The following AHR variants were observed in gnomAD, a reference collection of about 807,000 sequenced individuals.
AHR encodes the protein AH-receptor.
AHR carries 40 observed loss-of-function variants against 86.8 expected under a neutral mutation model. The ratio of observed to expected loss-of-function variants is 0.46; its 90% CI spans 0.36 to 0.60. The LOEUF (loss-of-function observed/expected upper bound fraction) is 0.60, where lower values mean the gene tolerates loss of function less well. Among genes scored for constraint, AHR ranks in the 20% least tolerant of loss-of-function variants. The pLI, the probability that AHR is intolerant of heterozygous loss-of-function variation, is 0.00. For missense variants in AHR, 1,001 were observed against 1,011.6 expected, an observed-to-expected ratio of 0.99 and a Z score of 0.14; for synonymous variants, 398 against 354.9, an observed-to-expected ratio of 1.12 and a Z score of -1.37.
chr7:17,335,878 C>A, intron 9 of AHR, 92 bp downstream of exon 9: 1 of 1,332,348 alleles, frequency 7.5e-7, no homozygotes, highest in Non-Finnish European at 1.0e-6. Context: ...AGACTTTAGT[C>A]TGTAAATAAA....
At chr7:17,308,600 A>G (rs957908428) in intron 1 of AHR, among the ~76,000 whole-genome samples, 2 of 152,034 alleles carry the variant, frequency 1.3e-5, no homozygotes, top group Admixed American at 6.6e-5. Context: ...TATAAATGCA[A>G]TATGATTAGG....
At chr7:17,300,846 G>A (rs886882463) in intron 1 of AHR, among the ~76,000 whole-genome samples, 1 of 152,032 alleles carries the variant, frequency 6.6e-6, no homozygotes. Flanking sequence ...TGGGTTTTAT[G>A]TGTATGGTGA....
chr7:17,316,437 A>G (rs896316199), intron 2 of AHR, among the ~76,000 whole-genome samples: 3 of 152,266 alleles, frequency 2.0e-5, no homozygotes, highest in African/African-American at 7.2e-5. Flanking sequence ...AGGACAACGT[A>G]GTGAGACCTC....
intron 1 of AHR, among the ~76,000 whole-genome samples, chr7:17,299,639 G>A (rs1223327055): frequency 6.6e-6 from 1 of 152,242 alleles, no homozygotes; most frequent in Non-Finnish European, 1.5e-5. Context: ...GCTCTGATCT[G>A]CCTTGGGCTA....
chr7:17,319,082 T>C (rs567695505), intron 2 of AHR, among the ~76,000 whole-genome samples: 2 of 152,222 alleles, frequency 1.3e-5, no homozygotes, highest in South Asian at 2.1e-4. Flanking sequence ...ATGTGTCATA[T>C]AGTTACCATA....
At chr7:17,320,533 C>T (rs938409391) in intron 2 of AHR, among the ~76,000 whole-genome samples, 1 of 151,990 alleles carries the variant, frequency 6.6e-6, no homozygotes, top group African/African-American at 2.4e-5. Flanking sequence ...AGGCTTATTT[C>T]ATAATGTAAG....
chr7:17,299,199 T>C lies in AHR; in HGVS notation c.-66T>C. ...GCCGGCCGCCGCAGTGGTCCCAGCC[T>C]ACACCGGGTTCCGGGGACCCGGCCG... On this transcript the variant is annotated 5_prime_UTR_variant, in exon 1 of 11. Coordinates refer to ENST00000242057, the MANE Select transcript of AHR (RefSeq NM_001621.5). The C allele has an allele frequency of 6.4e-7, 1 of 1,563,902 alleles. No individual in the cohort carries two copies.
Position 17,299,454 on chromosome 7 carries a change from C to A in AHR, c.65+125C>A, listed in dbSNP as rs12112861. 3.6e-3 allele frequency: 3,957 copies of A among 1,108,004 alleles called. 107 individuals are homozygous for A. In the African/African-American group the frequency reaches 0.058, roughly 16 times the overall value. The allele number at this position is 1,108,004 out of a possible 1,614,324, so 68.6% of individuals were successfully genotyped here. ...GATTAGGTCCATTCCCGGCACTGCC[C>A]GTGGAATCGAGGTTTGGAGGCCGGC... On this transcript the variant is annotated intron_variant, in intron 1 of 10. Coordinates refer to ENST00000242057, the MANE Select transcript of AHR (RefSeq NM_001621.5).
At chr7:17,318,117 A>C (rs946198818) in intron 2 of AHR, among the ~76,000 whole-genome samples, 4 of 152,154 alleles carry the variant, frequency 2.6e-5, no homozygotes, top group Admixed American at 2.0e-4. Flanking sequence ...AGGGACTAAA[A>C]GGGGATATGC....
Position 17,333,947 on chromosome 7 carries a change from T to A in AHR, c.741T>A (p.His247Gln). The change falls in exon 7 of 11, where the codon CAT becomes CAA. Residue 247 changes from histidine (H) to glutamine (Q), a missense_variant. Coordinates refer to ENST00000242057, the MANE Select transcript of AHR (RefSeq NM_001621.5). ...MNFQGKLKYL[H>Q]GQKKKGKDGS... ...TCCAAGGGAAGTTAAAGTATCTTCA[T>A]GGACAGAAAAAGAAAGGGAAAGATG... 6.2e-7 allele frequency: 1 copy of A among 1,613,382 alleles called. No individual in the cohort carries two copies. The highest frequency in any genetic ancestry group is 8.5e-7 in the Non-Finnish European group (1 of 1,179,436).
chr7:17,301,378 C>A lies in AHR; in HGVS notation c.65+2049C>A, dbSNP rs546463225. Among the ~76,000 whole-genome samples, 11 of 152,038 alleles carry A rather than the reference C, an allele frequency of 7.2e-5. No homozygotes were observed. In the East Asian group the frequency reaches 1.5e-3, roughly 21 times the overall value. On this transcript the variant is annotated intron_variant, in intron 1 of 10. Coordinates refer to ENST00000242057, the MANE Select transcript of AHR (RefSeq NM_001621.5). ...AATTTGAGTTTTAAAATTAAACTACCAGTTTGTGGCCTAATGAGCCCCAAA... is the reference window on the plus strand; with the variant it reads ...AATTTGAGTTTTAAAATTAAACTACAAGTTTGTGGCCTAATGAGCCCCAAA...
chr7:17,326,494 A>G (rs1782231716), intron 3 of AHR, among the ~76,000 whole-genome samples: 1 of 152,202 alleles, frequency 6.6e-6, no homozygotes, highest in Non-Finnish European at 1.5e-5. Context: ...TGAATAAATG[A>G]ATCACTATTA....
At chr7:17,309,638 A>G (rs1782042083) in intron 1 of AHR, among the ~76,000 whole-genome samples, 1 of 152,234 alleles carries the variant, frequency 6.6e-6, no homozygotes, top group Non-Finnish European at 1.5e-5. Flanking sequence ...AGAGGGGAAA[A>G]AAATCCCAGT....
At position 17,340,257 on chromosome 7, in the gene AHR, C is replaced by T. The variant is rs746286854; in HGVS notation, c.2403+29C>T. ...AGGGTGTTATCAAACTGAATTAAAT[C>T]TTTCAGTGATTCTTTTTACCTTATA... is the stretch of plus-strand genomic sequence containing the variant. On this transcript the variant is annotated intron_variant, in intron 10 of 10. Transcript: ENST00000242057. 11 of 1,552,756 alleles carry T rather than the reference C, an allele frequency of 7.1e-6. No homozygotes were observed. The South Asian group carries it at 8.6e-5, about 12-fold the overall frequency.
rs545009381 is a variant in AHR at position 17,334,703 on chromosome 7, A to C, written c.909-184A>C. Among the ~76,000 whole-genome samples, 3 of 152,156 alleles carry C rather than the reference A, an allele frequency of 2.0e-5. No individual in the cohort carries two copies. In the East Asian group the frequency reaches 5.8e-4, roughly 29 times the overall value. ...AAAATAGGCTGAAACTGAAATTTGC[A>C]ATCATAAGCAAAGAAGATCAGTTTA... On this transcript the variant is annotated intron_variant, in intron 7 of 10. Coordinates refer to ENST00000242057, the MANE Select transcript of AHR (RefSeq NM_001621.5).
intron 2 of AHR, among the ~76,000 whole-genome samples, chr7:17,310,536 CTT>C (rs1231748729): frequency 1.5e-4 from 21 of 141,116 alleles, no homozygotes; most frequent in Admixed American, 2.1e-4. Flanking sequence ...TATTTCTAAT[CTT>C]TTTTTTTTTT....
intron 1 of AHR, among the ~76,000 whole-genome samples, chr7:17,304,643 G>C (rs1781987616): frequency 6.6e-6 from 1 of 152,030 alleles, no homozygotes; most frequent in South Asian, 2.1e-4. Context: ...GAACTCTTTT[G>C]CAGCACCTGT....
rs1456847837 is a variant in AHR at position 17,322,560 on chromosome 7, A to T, written c.313A>T (p.Asn105Tyr). ...AGGCCAGGATAACTGTAGAGCAGCA[A>T]ATTTCAGAGAAGGCCTGAACTTACA... ...NGGQDNCRAA[N>Y]FREGLNLQEG... Residue 105 changes from asparagine to tyrosine, a missense_variant, in exon 3 of 11, where the codon AAT (asparagine) becomes TAT (tyrosine). Around this residue, in one of 2 missense-constraint regions of AHR, gnomAD observed 394 missense variants for 468.5 expected, o/e 0.84. Coordinates refer to ENST00000242057, the MANE Select transcript of AHR (RefSeq NM_001621.5). 2.5e-6 allele frequency: 4 copies of T among 1,613,062 alleles called. No individual in the cohort carries two copies. In the South Asian group the frequency reaches 4.4e-5, roughly 18 times the overall value.
Position 17,339,632 on chromosome 7 carries a change from C to T in AHR, c.1807C>T (p.Gln603Ter). 1 of 1,614,078 alleles carries T rather than the reference C, an allele frequency of 6.2e-7. No individual in the cohort carries two copies. Among genetic ancestry groups the T allele is most frequent in the Non-Finnish European group, 8.5e-7 (1 of 1,180,044 alleles). Residue 603 changes from glutamine to a stop codon, truncating the protein, a stop_gained, in exon 10 of 11, where the codon CAG becomes TAG. Coordinates refer to ENST00000242057, the MANE Select transcript of AHR (RefSeq NM_001621.5). LOFTEE classifies it high-confidence loss of function. ...PFIPSDYQQQ[Q>*]SLALNSSCMV... The stretch of plus-strand genomic sequence containing the variant: ...CATACCTTCAGATTATCAACAGCAA[C>T]AGTCCTTGGCTCTGAACTCAAGCTG...
Sources: allele counts gnomAD v4.1 joint callset (sites outside exome capture counted in the v4.1 genomes callset), GRCh38; gene constraint gnomAD v4.1.1; regional missense constraint gnomAD v4.1.1; transcripts MANE v1.5; gene names NCBI Gene and HGNC (gene_info 2026-07-23, HGNC 2026-07-21).